Variants in CD99 observed in about 807,000 individuals in gnomAD.
The protein encoded by CD99 is CD99 antigen.
A neutral mutation model predicts 28.4 loss-of-function variants in CD99; 19 were observed. The ratio of observed to expected loss-of-function variants is 0.67; its 90% CI spans 0.47 to 0.98. The LOEUF (loss-of-function observed/expected upper bound fraction) is 0.98. Ranked by LOEUF, CD99 falls within the 50% of genes least tolerant of loss-of-function variation. CD99 has a pLI of 0.00. For missense variants in CD99, 283 were observed against 248.8 expected (o/e 1.14, Z -0.92); for synonymous variants, 103 against 92.1 (o/e 1.12, Z -0.67).
intron 8 of CD99, among the ~76,000 whole-genome samples, chrX:2,728,134 A>G (rs2124189568): frequency 6.6e-6 from 1 of 151,196 alleles, no homozygotes; most frequent in African/African-American, 2.4e-5. Context: ...GGTTTTGGGC[A>G]GTGCGTGGAA....
At chrX:2,717,393 G>C in intron 2 of CD99, 1 of 574,668 alleles carries the variant, frequency 1.7e-6, no homozygotes, top group Non-Finnish European at 3.2e-6. Flanking sequence ...TGGTCTCTGT[G>C]GAAACCATGG....
rs778008542 is a variant in CD99 at position 2,732,949 on chromosome X, TCCTC to T, written c.476-5238_476-5235del. ...TTCCTCCTTCCCTCTCTCCTTCCCT[TCCTC>T]CCTCCCTCCCTCATTTCCTTCCTCC... On this transcript the variant is annotated intron_variant, in intron 8 of 9. Coordinates refer to ENST00000381192, the MANE Select transcript of CD99 (RefSeq NM_002414.5). 1.6e-4 allele frequency among the ~76,000 whole-genome samples: 22 copies of T among 138,840 alleles called. No individual in the cohort carries two copies. In the East Asian group the frequency reaches 2.2e-3, roughly 14 times the overall value. 91.1% of individuals were successfully genotyped at this position (138,840 alleles called of 152,430 possible).
At chrX:2,707,329 CAAAAG>C (rs58329163) in intron 1 of CD99, among the ~76,000 whole-genome samples, 15,858 of 149,214 alleles carry the variant, frequency 0.11, 1,536 homozygotes, top group African/African-American at 0.24. Context: ...AACTCTGCCT[CAAAAG>C]AAAAGAAAAG....
chrX:2,726,235 C>A, intron 7 of CD99, 25 bp from the exon 8 acceptor site: 1 of 1,446,844 alleles, frequency 6.9e-7, no homozygotes, highest in Non-Finnish European at 9.7e-7. Context: ...GTCTCAATCA[C>A]GATGCTGTGT....
At chrX:2,735,318 G>T (rs2049879315) in intron 8 of CD99, among the ~76,000 whole-genome samples, 1 of 152,198 alleles carries the variant, frequency 6.6e-6, no homozygotes, top group Admixed American at 6.5e-5. Flanking sequence ...TAGCCTGAAA[G>T]AAAAGCACCA....
intron 8 of CD99, among the ~76,000 whole-genome samples, chrX:2,728,835 T>G (rs1422908511): frequency 2.9e-5 from 2 of 68,012 alleles, no homozygotes; most frequent in Admixed American, 2.7e-4. Flanking sequence ...ACTCTCTGGC[T>G]TTTTTTTTTT....
Position 2,691,316 on chromosome X carries a change from C to G in CD99, c.-45C>G. 1 of 1,490,464 alleles carries G rather than the reference C, an allele frequency of 6.7e-7. No homozygotes were observed. The highest frequency in any genetic ancestry group is 1.4e-5 in the African/African-American group (1 of 68,990). The allele number at this position is 1,490,464 out of a possible 1,614,324, so 92.3% of individuals were successfully genotyped here. A position where few individuals can be genotyped will look rare whatever the true frequency, so the allele number is the denominator to read the frequency against. On this transcript the variant is annotated 5_prime_UTR_variant, in exon 1 of 10. Transcript: ENST00000381192. ...GAGTATCTGTCCTGCCGCCTTCGCC[C>G]ACGCCCTGCACTCCGGGACCGTCCC...
intron 9 of CD99, among the ~76,000 whole-genome samples, chrX:2,739,114 C>T (rs1327939400): frequency 3.3e-5 from 5 of 152,098 alleles, no homozygotes; most frequent in African/African-American, 9.7e-5. Flanking sequence ...AGCAACCCTC[C>T]GACCTCAGCT....
chrX:2,696,485 C>T (rs1427605522), intron 1 of CD99, among the ~76,000 whole-genome samples: 4 of 152,192 alleles, frequency 2.6e-5, no homozygotes, highest in African/African-American at 9.7e-5. Context: ...ACTGCAACCT[C>T]TGCCTCCCAG....
At chrX:2,717,454 A>ACCTCAGCT (rs1346364229) in intron 2 of CD99, 151 bp from the exon 3 acceptor site, 9 of 660,762 alleles carry the variant, frequency 1.4e-5, no homozygotes, top group Non-Finnish European at 2.4e-5. Flanking sequence ...CGTTGTATAA[A>ACCTCAGCT]CCTCAGCTCG....
intron 8 of CD99, among the ~76,000 whole-genome samples, chrX:2,737,091 T>A (rs311095): frequency 6.6e-6 from 1 of 151,964 alleles, no homozygotes; most frequent in Non-Finnish European, 1.5e-5. Context: ...GAAGGATGAT[T>A]GGTGGAGGTG....
chrX:2,720,541 A>G (rs2124084153), intron 5 of CD99, 117 bp downstream of exon 5: 2 of 819,204 alleles, frequency 2.4e-6, no homozygotes, highest in Non-Finnish European at 4.2e-6. Context: ...CTGCCTGTGC[A>G]GTGTAATGCC....
chrX:2,726,861 A>G (rs983374176), intron 8 of CD99, among the ~76,000 whole-genome samples: 1 of 152,164 alleles, frequency 6.6e-6, no homozygotes. Context: ...AAGGCCGGAC[A>G]TGGTGGCTCA....
At chrX:2,739,538 C>T (rs2050102932) in intron 9 of CD99, among the ~76,000 whole-genome samples, 1 of 151,988 alleles carries the variant, frequency 6.6e-6, no homozygotes, top group South Asian at 2.1e-4. Context: ...CAACCCCTGC[C>T]TCCCAGTGTC....
intron 1 of CD99, among the ~76,000 whole-genome samples, chrX:2,694,209 G>A (rs2047465577): frequency 6.6e-6 from 1 of 151,852 alleles, no homozygotes. Flanking sequence ...CTACGGAACC[G>A]ACATCTCTTG....
In CD99 at chrX:2,720,620, CTTTTTTTTT is replaced by C. The variant is rs71281938; in HGVS notation, c.262+210_262+218del. On this transcript the variant is annotated intron_variant, in intron 5 of 9. Transcript: ENST00000381192. ...TAGCTTGGATTTTATTTTTAGTTTG[CTTTTTTTTT>C]TTTTTTTTTTTTTGAGACAGAGTCT... Among the ~76,000 whole-genome samples the C allele has an allele frequency of 4.8e-5, 4 of 83,930 alleles. No individual in the cohort carries two copies. The South Asian group carries it at 1.7e-3, about 36-fold the overall frequency. The allele number at this position is 83,930 out of a possible 152,430, so 55.1% of individuals were successfully genotyped here.
intron 8 of CD99, among the ~76,000 whole-genome samples, chrX:2,727,116 G>C (rs1270733132): frequency 1.3e-5 from 2 of 152,148 alleles, no homozygotes; most frequent in Admixed American, 6.6e-5. Flanking sequence ...CAGCCTGGGC[G>C]ACAGAGTGAG....
chrX:2,704,219 G>A (rs311047), intron 1 of CD99, among the ~76,000 whole-genome samples: 79,412 of 151,826 alleles, frequency 0.52, 20,837 homozygotes, highest in East Asian at 0.6. Context: ...CTCAGGGGAC[G>A]TTCCCAGAGT....
At chrX:2,717,455 C>A in intron 2 of CD99, 150 bp from the exon 3 acceptor site, 7 of 655,006 alleles carry the variant, frequency 1.1e-5, no homozygotes, top group East Asian at 2.8e-5. Flanking sequence ...GTTGTATAAA[C>A]CTCAGCTCGG....
Sources: gnomAD v4.1 joint callset for allele counts (sites outside exome capture counted in the v4.1 genomes callset) on GRCh38, gnomAD v4.1.1 for gene constraint, MANE v1.5 for transcripts, NCBI Gene and HGNC (gene_info 2026-07-23, HGNC 2026-07-21) for gene names.